The following FSHR variants were observed in gnomAD, a reference collection of about 807,000 sequenced individuals.
FSHR encodes the protein follicle-stimulating hormone receptor.
Under a neutral mutation model 52.1 loss-of-function variants are expected in FSHR, and 46 were observed. That is an observed-to-expected ratio of 0.88 (90% CI 0.70 to 1.13). The LOEUF is 1.13. Among genes scored for constraint, FSHR ranks in the 50% most tolerant of loss-of-function variants. The pLI is 0.00. For missense variants in FSHR, 964 were observed against 834.6 expected (o/e 1.16, Z -1.91); for synonymous variants, 399 against 309.6 (o/e 1.29, Z -3.03).
chr2:49,089,294 T>A (rs1670512398), intron 1 of FSHR, among the ~76,000 whole-genome samples: 1 of 152,158 alleles, frequency 6.6e-6, no homozygotes, highest in Non-Finnish European at 1.5e-5. Context: ...CAGCATTGTT[T>A]CTTTCAAATA....
intron 2 of FSHR, among the ~76,000 whole-genome samples, chr2:49,061,775 T>TATATATTCATATATAA (rs1407091455): frequency 5.7e-5 from 8 of 141,314 alleles, no homozygotes; most frequent in Non-Finnish European, 9.2e-5. Flanking sequence ...TATATATAAC[T>TATATATTCATATATAA]CTATATATTC....
chr2:49,066,832 A>G (rs552195415), intron 2 of FSHR, among the ~76,000 whole-genome samples: 4 of 152,146 alleles, frequency 2.6e-5, no homozygotes, highest in African/African-American at 9.6e-5. Context: ...ATTCTATGTA[A>G]TTATAGTGAT....
intron 1 of FSHR, among the ~76,000 whole-genome samples, chr2:49,131,988 T>C (rs1672295889): frequency 6.6e-6 from 1 of 152,198 alleles, no homozygotes; most frequent in African/African-American, 2.4e-5. Flanking sequence ...CCTTATGTTA[T>C]CACGTGACAA....
At chr2:49,119,666 A>T (rs1368115227) in intron 1 of FSHR, among the ~76,000 whole-genome samples, 1 of 152,190 alleles carries the variant, frequency 6.6e-6, no homozygotes, top group Non-Finnish European at 1.5e-5. Flanking sequence ...CTGAAATCCC[A>T]GGTAACATAT....
At chr2:49,082,721 G>A (rs1439692201) in intron 1 of FSHR, among the ~76,000 whole-genome samples, 2 of 152,242 alleles carry the variant, frequency 1.3e-5, no homozygotes, top group East Asian at 1.9e-4. Flanking sequence ...GAGCCGATGC[G>A]ATCAACTGGA....
intron 1 of FSHR, among the ~76,000 whole-genome samples, chr2:49,091,581 G>A (rs926236742): frequency 1.3e-5 from 2 of 152,188 alleles, no homozygotes; most frequent in African/African-American, 2.4e-5. Context: ...ACAGGCATGA[G>A]CCATCATGCC....
intron 8 of FSHR, among the ~76,000 whole-genome samples, chr2:48,976,607 G>T (rs1559087075): frequency 6.6e-6 from 1 of 152,122 alleles, no homozygotes; most frequent in African/African-American, 2.4e-5. Flanking sequence ...GAATCTGTCT[G>T]GTCCTGGGCT....
intron 8 of FSHR, among the ~76,000 whole-genome samples, chr2:48,979,801 G>A (rs1675161660): frequency 6.7e-6 from 1 of 150,284 alleles, no homozygotes; most frequent in African/African-American, 2.5e-5. Context: ...ATATATCACA[G>A]TCTTTGTGTG....
intron 8 of FSHR, among the ~76,000 whole-genome samples, chr2:48,970,218 G>T (rs1251171198): frequency 6.6e-6 from 1 of 152,070 alleles, no homozygotes; most frequent in Non-Finnish European, 1.5e-5. Flanking sequence ...GCTTCCTATT[G>T]TCCAGTGAAA....
At chr2:49,154,233 C>A (rs1325876428) in intron 1 of FSHR, 33 bp downstream of exon 1, 3 of 1,608,158 alleles carry the variant, frequency 1.9e-6, no homozygotes, top group South Asian at 1.1e-5. Flanking sequence ...AAATGCCAGC[C>A]ATGCAGTTGT....
In FSHR at chr2:48,962,420, C is replaced by T. The variant is rs1674263657; in HGVS notation, c.*313G>A. On this transcript the variant is annotated 3_prime_UTR_variant, in exon 10 of 10. Transcript: ENST00000406846. ...TAAAACTCCAAGAATAATCCCTGTC[C>T]TGCTTATTTAACAGGGATCACTTGA... is the stretch of plus-strand genomic sequence containing the variant. 5 of 340,460 alleles carry T rather than the reference C, an allele frequency of 1.5e-5. No homozygotes were observed. Among genetic ancestry groups the T allele is most frequent in the South Asian group, 1.4e-4 (5 of 35,610 alleles). 21.1% of individuals were successfully genotyped at this position (340,460 alleles called of 1,614,324 possible).
chr2:49,015,214 T>C (rs1385530968), intron 4 of FSHR, among the ~76,000 whole-genome samples: 2 of 152,182 alleles, frequency 1.3e-5, no homozygotes, highest in Non-Finnish European at 2.9e-5. Context: ...TCTGAATTCA[T>C]AGTTTTTCAT....
At chr2:49,052,949 TG>T (rs1668924390) in intron 2 of FSHR, among the ~76,000 whole-genome samples, 1 of 152,212 alleles carries the variant, frequency 6.6e-6, no homozygotes, top group African/African-American at 2.4e-5. Flanking sequence ...AACTGAGAAT[TG>T]GGAGGATCCT....
intron 1 of FSHR, among the ~76,000 whole-genome samples, chr2:49,150,785 A>G (rs1402140523): frequency 1.3e-5 from 2 of 151,898 alleles, no homozygotes; most frequent in African/African-American, 4.8e-5. Flanking sequence ...CCCCACTCAA[A>G]CTAGTAATAC....
chr2:49,136,544 A>G (rs916194526), intron 1 of FSHR, among the ~76,000 whole-genome samples: 1 of 152,140 alleles, frequency 6.6e-6, no homozygotes, highest in East Asian at 1.9e-4. Context: ...CCAAAAGCAG[A>G]CAAAACATCA....
At chr2:49,050,475 C>A (rs1046989436) in intron 2 of FSHR, among the ~76,000 whole-genome samples, 14 of 152,156 alleles carry the variant, frequency 9.2e-5, no homozygotes, top group Non-Finnish European at 2.1e-4. Flanking sequence ...CCAAAGGAAG[C>A]TAATAGCTTT....
chr2:49,034,923 A>G (rs994729081), intron 2 of FSHR, among the ~76,000 whole-genome samples: 11 of 152,192 alleles, frequency 7.2e-5, no homozygotes, highest in African/African-American at 2.7e-4. Context: ...TGAAGGTGGA[A>G]TTTGGGCATT....
At chr2:48,996,198 TA>T (rs1229698277) in intron 4 of FSHR, among the ~76,000 whole-genome samples, 6 of 152,174 alleles carry the variant, frequency 3.9e-5, no homozygotes, top group African/African-American at 1.4e-4. Flanking sequence ...ATTACATTTT[TA>T]AAGTCTCTTG....
At chr2:49,086,174 T>G (rs1223917761) in intron 1 of FSHR, among the ~76,000 whole-genome samples, 2 of 152,180 alleles carry the variant, frequency 1.3e-5, no homozygotes, top group Non-Finnish European at 2.9e-5. Flanking sequence ...AAGTAAAAAC[T>G]ACAAATGATT....
Sources: gnomAD v4.1 joint callset for allele counts (sites outside exome capture counted in the v4.1 genomes callset) on GRCh38, gnomAD v4.1.1 for gene constraint, MANE v1.5 for transcripts, NCBI Gene and HGNC (gene_info 2026-07-23, HGNC 2026-07-21) for gene names.